Variants in ITGB6 observed in about 807,000 individuals in gnomAD.
ITGB6 encodes the protein integrin beta-6.
A neutral mutation model predicts 84.5 loss-of-function variants in ITGB6; 80 were observed. That is an observed-to-expected ratio of 0.95 (90% CI 0.79 to 1.14). The LOEUF (loss-of-function observed/expected upper bound fraction) is 1.14, where lower values mean the gene tolerates loss of function less well. ITGB6 is among the 50% of genes most tolerant of loss of function. ITGB6 has a pLI of 0.00. For missense variants in ITGB6, 1,006 were observed against 968.0 expected (o/e 1.04, Z -0.52); for synonymous variants, 383 against 354.9 (o/e 1.08, Z -0.89).
intron 4 of ITGB6, among the ~76,000 whole-genome samples, chr2:160,180,837 G>A (rs924107018): frequency 2.0e-5 from 3 of 152,152 alleles, no homozygotes; most frequent in African/African-American, 7.2e-5. Flanking sequence ...GCCTACAAAG[G>A]GTGAGCCGAA....
At chr2:160,106,914 A>C (rs1696930908) in intron 14 of ITGB6, among the ~76,000 whole-genome samples, 1 of 152,192 alleles carries the variant, frequency 6.6e-6, no homozygotes, top group Non-Finnish European at 1.5e-5. Flanking sequence ...AATGTAAGAT[A>C]ATTGCTGTTA....
intron 14 of ITGB6, among the ~76,000 whole-genome samples, chr2:160,103,165 A>G (rs990603358): frequency 1.9e-4 from 29 of 152,010 alleles, no homozygotes; most frequent in African/African-American, 6.8e-4. Flanking sequence ...TATGGTAGAA[A>G]TTTCTAGGGG....
intron 4 of ITGB6, among the ~76,000 whole-genome samples, chr2:160,194,458 C>CTATATTTGATTTTGAT (rs1284972761): frequency 2.0e-5 from 3 of 151,858 alleles, no homozygotes; most frequent in African/African-American, 4.8e-5. Context: ...CAGTAATGGG[C>CTATATTTGATTTTGAT]TTGCTTTTGG....
intron 10 of ITGB6, among the ~76,000 whole-genome samples, chr2:160,129,047 T>C (rs1683350949): frequency 6.6e-6 from 1 of 151,794 alleles, no homozygotes; most frequent in Admixed American, 6.6e-5. Context: ...GGACTTAAAA[T>C]GTGATCAGAA....
At chr2:160,190,453 T>A (rs1686099360) in intron 4 of ITGB6, among the ~76,000 whole-genome samples, 1 of 152,170 alleles carries the variant, frequency 6.6e-6, no homozygotes, top group Admixed American at 6.5e-5. Flanking sequence ...AAGCTCACAT[T>A]ATGAGTGAAT....
chr2:160,167,735 G>T (rs543508621), intron 7 of ITGB6, among the ~76,000 whole-genome samples: 1 of 152,170 alleles, frequency 6.6e-6, no homozygotes, highest in Admixed American at 6.5e-5. Flanking sequence ...TTTAATAGCG[G>T]TTTTGGGGAG....
chr2:160,172,853 T>C lies in ITGB6; in HGVS notation c.760-123A>G. 4 of 682,702 alleles carry C rather than the reference T, an allele frequency of 5.9e-6. No homozygotes were observed. In the South Asian group the frequency reaches 9.8e-5, roughly 17 times the overall value. The allele number at this position is 682,702 out of a possible 1,614,324, so 42.3% of individuals were successfully genotyped here. A position where few individuals can be genotyped will look rare whatever the true frequency, so the allele number is the denominator to read the frequency against. Reference sequence around the variant, plus strand: ...AATATTGCTAGTCTATTTTAGCCTTTTTATCTATCGTGAATTGATAATATT... The same window carrying C: ...AATATTGCTAGTCTATTTTAGCCTTCTTATCTATCGTGAATTGATAATATT... On this transcript the variant is annotated intron_variant, in intron 5 of 14. Coordinates refer to ENST00000283249, the MANE Select transcript of ITGB6 (RefSeq NM_000888.5).
Position 160,149,425 on chromosome 2 carries a change from A to T in ITGB6, c.1018-7354T>A, listed in dbSNP as rs371140072. 7.2e-5 allele frequency among the ~76,000 whole-genome samples: 11 copies of T among 152,350 alleles called. 1 individual carries two copies. In the East Asian group the frequency reaches 1.7e-3, roughly 24 times the overall value. ...ATAGCATCAACATAACAAAAAGGAC[A>T]TCTACACCAAAACCCCATCTGTAGG... On this transcript the variant is annotated intron_variant, in intron 7 of 14. Transcript: ENST00000283249.
At chr2:160,161,225 T>C (rs1293409264) in intron 7 of ITGB6, among the ~76,000 whole-genome samples, 3 of 152,220 alleles carry the variant, frequency 2.0e-5, no homozygotes, top group South Asian at 4.1e-4. Flanking sequence ...CTTGATTTCA[T>C]ATAGTTACTC....
chr2:160,149,005 C>T (rs771905530), intron 7 of ITGB6, among the ~76,000 whole-genome samples: 2 of 152,268 alleles, frequency 1.3e-5, no homozygotes, highest in East Asian at 1.9e-4. Context: ...CTAGACTCCA[C>T]CACTGTAGGC....
chr2:160,193,640 G>T (rs769584516), intron 4 of ITGB6, among the ~76,000 whole-genome samples: 11 of 152,238 alleles, frequency 7.2e-5, no homozygotes, highest in Non-Finnish European at 1.5e-4. Flanking sequence ...TTGCGAGGGA[G>T]TGGGCAGACA....
chr2:160,111,282 A>T (rs1682501149), intron 13 of ITGB6, among the ~76,000 whole-genome samples: 1 of 152,206 alleles, frequency 6.6e-6, no homozygotes. Flanking sequence ...ATAACTTGCT[A>T]AAGTCACTGC....
intron 6 of ITGB6, among the ~76,000 whole-genome samples, chr2:160,171,875 G>A (rs900457984): frequency 2.6e-5 from 4 of 152,298 alleles, no homozygotes; most frequent in South Asian, 4.1e-4. Context: ...TGACTGAACT[G>A]GCTTTTCAAG....
chr2:160,124,015 T>C (rs1329736971), intron 11 of ITGB6, 127 bp from the exon 12 acceptor site: 3 of 613,578 alleles, frequency 4.9e-6, no homozygotes, highest in Non-Finnish European at 8.5e-6. Flanking sequence ...CATTATCTTT[T>C]GTTACTTTCA....
intron 4 of ITGB6, among the ~76,000 whole-genome samples, chr2:160,193,223 A>G (rs934421770): frequency 2.1e-4 from 32 of 152,196 alleles, no homozygotes; most frequent in African/African-American, 7.5e-4. Flanking sequence ...CCAAAATAGA[A>G]ACAACCCAAA....
chr2:160,128,671 A>G (rs1683333290), intron 10 of ITGB6, among the ~76,000 whole-genome samples: 1 of 152,114 alleles, frequency 6.6e-6, no homozygotes, highest in Non-Finnish European at 1.5e-5. Flanking sequence ...GAGGGAAGAG[A>G]CAGAGGGATG....
chr2:160,126,974 CTTA>C (rs1683269216), intron 10 of ITGB6, among the ~76,000 whole-genome samples: 1 of 152,130 alleles, frequency 6.6e-6, no homozygotes, highest in Non-Finnish European at 1.5e-5. Flanking sequence ...TCCGACATGC[CTTA>C]TTATATACCC....
At chr2:160,120,032 G>C (rs1682961661) in intron 12 of ITGB6, among the ~76,000 whole-genome samples, 2 of 151,194 alleles carry the variant, frequency 1.3e-5, no homozygotes, top group African/African-American at 4.9e-5. Flanking sequence ...TGCTAGAGAG[G>C]ATGTGGAGAA....
chr2:160,191,846 A>G (rs945350316), intron 4 of ITGB6, among the ~76,000 whole-genome samples: 3 of 152,186 alleles, frequency 2.0e-5, no homozygotes, highest in African/African-American at 4.8e-5. Context: ...CGCAAAATCA[A>G]TTGCAATTCT....
Sources: allele counts gnomAD v4.1 joint callset (sites outside exome capture counted in the v4.1 genomes callset), GRCh38; gene constraint gnomAD v4.1.1; transcripts MANE v1.5; gene names NCBI Gene and HGNC (gene_info 2026-07-23, HGNC 2026-07-21).